Variants in HADHA observed in about 807,000 individuals in gnomAD.
The protein encoded by HADHA is hydroxyacyl-CoA dehydrogenase trifunctional multienzyme complex subunit alpha.
A neutral mutation model predicts 91.3 loss-of-function variants in HADHA; 59 were observed. That is an observed-to-expected ratio of 0.65 (90% CI 0.52 to 0.80). HADHA has a LOEUF of 0.80. HADHA is among the 30% of genes least tolerant of loss of function. The pLI, the probability that HADHA is intolerant of heterozygous loss-of-function variation, is 0.00. For synonymous variants in HADHA, 320 were observed against 338.9 expected (o/e 0.94, Z 0.61); for missense variants, 800 against 927.6 (o/e 0.86, Z 1.79).
At chr2:26,194,362 G>A (rs1387335739) in intron 16 of HADHA, among the ~76,000 whole-genome samples, 2 of 152,186 alleles carry the variant, frequency 1.3e-5, no homozygotes, top group African/African-American at 4.8e-5. Context: ...TGAGGAGGCT[G>A]TGGGGCAGAG....
Position 26,244,550 on chromosome 2 carries a change from A to T in HADHA, c.47T>A (p.Phe16Tyr). Residue 16 changes from phenylalanine (F) to tyrosine (Y), a missense_variant, in exon 1 of 20, where the codon TTC (phenylalanine) becomes TAC (tyrosine). By Grantham distance (22) the Phe-to-Tyr change is conservative (BLOSUM62 3). Coordinates refer to ENST00000380649, the MANE Select transcript of HADHA (RefSeq NM_000182.5). ...CTCACCTCGGGAGCGGAGGATCCTG[A>T]AGGCAGAAAAGCGGCTGAGGATGCC... ...AIGILSRFSAFRILRSRGYIC... is the reference protein window; with the variant it reads ...AIGILSRFSAYRILRSRGYIC... The T allele has an allele frequency of 6.3e-7, 1 of 1,586,922 alleles. No individual in the cohort carries two copies. Among genetic ancestry groups the T allele is most frequent in the Non-Finnish European group, 8.6e-7 (1 of 1,166,120 alleles).
chr2:26,203,990 G>C, intron 12 of HADHA, 72 bp downstream of exon 12: 1 of 1,460,934 alleles, frequency 6.8e-7, no homozygotes. Context: ...AACCCACCAA[G>C]CCACCACAAA....
chr2:26,229,975 GCAC>G lies in HADHA; in HGVS notation c.676+214_676+216del, dbSNP rs1268779938. On this transcript the variant is annotated intron_variant, in intron 7 of 19. Coordinates refer to ENST00000380649, the MANE Select transcript of HADHA (RefSeq NM_000182.5). The surrounding 1 kb of genome is among the most constrained non-coding windows in gnomAD (Gnocchi z 4.3). ...CCCAAGTAGCTGGAACTACAGGTTT[GCAC>G]CACCACACCCGGCTAATCATTTTTA... 6.6e-6 allele frequency among the ~76,000 whole-genome samples: 1 copy of G among 152,138 alleles called. No individual in the cohort carries two copies. Among genetic ancestry groups the G allele is most frequent in the African/African-American group, 2.4e-5 (1 of 41,438 alleles).
intron 3 of HADHA, among the ~76,000 whole-genome samples, chr2:26,237,532 T>C (rs1670791362): frequency 6.6e-6 from 1 of 152,006 alleles, no homozygotes; most frequent in South Asian, 2.1e-4. Context: ...GAGGCTTAGG[T>C]GGGAGGATCA....
chr2:26,204,557 A>G (rs1299752476), intron 11 of HADHA, among the ~76,000 whole-genome samples: 2 of 152,176 alleles, frequency 1.3e-5, no homozygotes, highest in Non-Finnish European at 2.9e-5. Context: ...CTTATTTGTT[A>G]GTGATTTTGA....
chr2:26,243,216 TCCGAGTGACATCAGCTGCCGATC>T (rs1670952491), intron 1 of HADHA: 1 of 152,178 alleles, frequency 6.6e-6, no homozygotes, highest in Non-Finnish European at 1.5e-5. Context: ...GGCTACCACT[TCCGAGTGACATCAGCTGCCGATC>T]CATAAGAAAT....
chr2:26,235,659 T>C (rs921349648), intron 4 of HADHA, among the ~76,000 whole-genome samples: 1 of 152,264 alleles, frequency 6.6e-6, no homozygotes, highest in Non-Finnish European at 1.5e-5. Flanking sequence ...AACAAGAGAC[T>C]GATTACTACA....
chr2:26,217,069 TGAA>T (rs1234444425), intron 7 of HADHA, among the ~76,000 whole-genome samples: 8 of 151,656 alleles, frequency 5.3e-5, no homozygotes, highest in Admixed American at 2.0e-4. Flanking sequence ...AGGACGATAA[TGAA>T]GAGAAACTGA....
chr2:26,236,881 G>T lies in HADHA; in HGVS notation c.288C>A (p.Gly96=). ...TGATATCAGCACCTGCAATAAAGCA[G>T]CCTGGCTTTGATGAGATAAGGACGG... is the stretch of plus-strand genomic sequence containing the variant. ...RSAVLISSKP[G]CFIAGADINM... is the part of the protein sequence containing the mutation. Residue 96 remains glycine, a synonymous_variant, in exon 4 of 20, where the codon GGC becomes GGA. Transcript: ENST00000380649. 6.2e-7 allele frequency: 1 copy of T among 1,612,162 alleles called. No individual in the cohort carries two copies. The highest frequency in any genetic ancestry group is 8.5e-7 in the Non-Finnish European group (1 of 1,178,870).
intron 15 of HADHA, 87 bp from the exon 16 acceptor site, chr2:26,194,725 T>A: frequency 1.1e-6 from 1 of 880,584 alleles, no homozygotes; most frequent in Non-Finnish European, 1.9e-6. Context: ...CACTTCAAAG[T>A]CATTTGAAAG....
At chr2:26,192,118 C>T (rs763754629) in intron 18 of HADHA, among the ~76,000 whole-genome samples, 192 bp downstream of exon 18, 1 of 152,058 alleles carries the variant, frequency 6.6e-6, no homozygotes, top group Non-Finnish European at 1.5e-5. Flanking sequence ...GAGTGGTCCT[C>T]CTGTTCAGGT....
intron 7 of HADHA, among the ~76,000 whole-genome samples, chr2:26,219,391 G>A (rs1272462609): frequency 6.6e-6 from 1 of 152,190 alleles, no homozygotes; most frequent in Non-Finnish European, 1.5e-5. Context: ...CTCCCGAAGT[G>A]CTGGGATTAC....
At chr2:26,206,173 T>C (rs1436857519) in intron 11 of HADHA, among the ~76,000 whole-genome samples, 2 of 151,640 alleles carry the variant, frequency 1.3e-5, no homozygotes, top group African/African-American at 4.8e-5. Context: ...AGATGTTCAA[T>C]TTCCCTAATA....
chr2:26,216,293 T>C (rs1416799472), intron 7 of HADHA, among the ~76,000 whole-genome samples: 4 of 149,926 alleles, frequency 2.7e-5, no homozygotes, highest in Admixed American at 1.3e-4. Context: ...ATACAACCAA[T>C]CTCTCCCTTA....
intron 7 of HADHA, among the ~76,000 whole-genome samples, chr2:26,222,485 C>T (rs1019799767): frequency 3.3e-5 from 5 of 152,096 alleles, no homozygotes; most frequent in African/African-American, 4.8e-5. Context: ...TGACCTCAGC[C>T]GAGGATTTCA....
chr2:26,195,530 C>T (rs776121813), intron 14 of HADHA, among the ~76,000 whole-genome samples: 17 of 140,652 alleles, frequency 1.2e-4, no homozygotes, highest in East Asian at 2.1e-4. Context: ...TATTGGGGAA[C>T]GACGGATGAA....
At position 26,229,098 on chromosome 2, in the gene HADHA, T is replaced by C. The variant is rs1670550929; in HGVS notation, c.676+1094A>G. Among the ~76,000 whole-genome samples, 1 of 152,110 alleles carries C rather than the reference T, an allele frequency of 6.6e-6. No individual in the cohort carries two copies. Among genetic ancestry groups the C allele is most frequent in the Admixed American group, 6.6e-5 (1 of 15,258 alleles). ...CTCACACCTGTAAATCTCGGCACTT[T>C]GGGTGGCTGAGGGAGGAGGATTACT... is the stretch of plus-strand genomic sequence containing the variant. On this transcript the variant is annotated intron_variant, in intron 7 of 19. Transcript: ENST00000380649. This position sits in a 1 kb window ranked among gnomAD's most constrained non-coding sequence, Gnocchi z 4.3.
chr2:26,209,731 T>C lies in HADHA; in HGVS notation c.1085+49A>G, dbSNP rs757509173. On this transcript the variant is annotated intron_variant, in intron 11 of 19. Coordinates refer to ENST00000380649, the MANE Select transcript of HADHA (RefSeq NM_000182.5). ...TAGATCTTCAAAGCCTCTGTGAACT[T>C]TGCACACAGTAAAATTCACAAGGGC... The C allele has an allele frequency of 1.3e-5, 12 of 903,792 alleles. No homozygotes were observed. In the South Asian group the frequency reaches 1.4e-4, roughly 11 times the overall value. The allele number at this position is 903,792 out of a possible 1,614,324, so 56.0% of individuals were successfully genotyped here.
chr2:26,228,301 T>G (rs765216735), intron 7 of HADHA, among the ~76,000 whole-genome samples: 5 of 152,070 alleles, frequency 3.3e-5, no homozygotes, highest in Non-Finnish European at 7.4e-5. Context: ...CAGCTAATTT[T>G]TGTATTTTTA....
Sources: gnomAD v4.1 joint callset for allele counts (sites outside exome capture counted in the v4.1 genomes callset) on GRCh38, gnomAD v4.1.1 for gene constraint, Gnocchi (gnomAD v3.1) non-coding constraint, MANE v1.5 for transcripts, NCBI Gene and HGNC (gene_info 2026-07-23, HGNC 2026-07-21) for gene names.